Variants in MYOCOS observed in about 807,000 individuals in gnomAD.
The protein encoded by MYOCOS is myocilin opposite strand.
At chr1:171,601,492 A>C (rs548379423) in intron 1 of MYOCOS, among the ~76,000 whole-genome samples, 1 of 152,230 alleles carries the variant, frequency 6.6e-6, no homozygotes, top group East Asian at 1.9e-4. Context: ...TCAAAAAAAA[A>C]AAAAATAGGT....
At chr1:171,617,865 G>T (rs1652479043), upstream of MYOCOS, among the ~76,000 whole-genome samples, 2 of 152,188 alleles carry the variant, frequency 1.3e-5, no homozygotes, top group African/African-American at 4.8e-5. Context: ...AGAGGGAATG[G>T]AATCTAGTGC....
At chr1:171,619,130 G>C (rs1250631809), upstream of MYOCOS, among the ~76,000 whole-genome samples, 2 of 152,122 alleles carry the variant, frequency 1.3e-5, no homozygotes, top group Non-Finnish European at 2.9e-5. Flanking sequence ...TTGGTGAGTG[G>C]AAAATGTGGT....
At chr1:171,625,486 G>A (rs1652676175) in intron 2 of MYOCOS, among the ~76,000 whole-genome samples, 1 of 152,206 alleles carries the variant, frequency 6.6e-6, no homozygotes, top group African/African-American at 2.4e-5. Flanking sequence ...TTCTACATGT[G>A]GTTAGTTTCT....
intron 1 of MYOCOS, among the ~76,000 whole-genome samples, chr1:171,607,061 T>A (rs1328675663): frequency 7.9e-6 from 1 of 127,284 alleles, no homozygotes; most frequent in South Asian, 2.5e-4. Context: ...ACCACTGCAC[T>A]CCAGCCTGGG....
chr1:171,625,891 G>A (rs1440689326), intron 2 of MYOCOS, among the ~76,000 whole-genome samples: 2 of 152,210 alleles, frequency 1.3e-5, no homozygotes, highest in Non-Finnish European at 2.9e-5. Context: ...AGGAGTGAGG[G>A]TGCAGACTCT....
chr1:171,606,168 T>G (rs2102932461), intron 1 of MYOCOS, among the ~76,000 whole-genome samples: 1 of 152,352 alleles, frequency 6.6e-6, no homozygotes, highest in South Asian at 2.1e-4. Flanking sequence ...TACTGCTCCC[T>G]TGTTGGCTAC....
upstream of MYOCOS, among the ~76,000 whole-genome samples, chr1:171,621,157 C>A (rs1221048074): frequency 6.6e-6 from 1 of 152,100 alleles, no homozygotes; most frequent in Admixed American, 6.5e-5. Context: ...AACTTGGGCA[C>A]GTGTTCTCAG....
intron 1 of MYOCOS, among the ~76,000 whole-genome samples, chr1:171,610,425 C>T (rs1172241649): frequency 6.6e-6 from 1 of 152,174 alleles, no homozygotes; most frequent in Admixed American, 6.5e-5. Context: ...GTTGCTAAGG[C>T]AGAATACCAC....
At chr1:171,624,138 C>G (rs2102940276) in intron 2 of MYOCOS, among the ~76,000 whole-genome samples, 160 bp downstream of exon 2, 1 of 152,316 alleles carries the variant, frequency 6.6e-6, no homozygotes, top group East Asian at 1.9e-4. Flanking sequence ...CTTTGTCATC[C>G]ATTGTGGAAA....
intron 1 of MYOCOS, among the ~76,000 whole-genome samples, 168 bp from the exon 2 acceptor site, chr1:171,623,673 A>G (rs1652619219): frequency 6.6e-6 from 1 of 152,088 alleles, no homozygotes; most frequent in African/African-American, 2.4e-5. Flanking sequence ...TTGAGGAAAT[A>G]TCTGCCTCTT....
rs1035630464 is a variant in MYOCOS at position 171,626,626 on chromosome 1, A to G, written c.*25A>G. 5.0e-6 allele frequency: 2 copies of G among 398,398 alleles called. No homozygotes were observed. The highest frequency in any genetic ancestry group is 8.8e-5 in the Admixed American group (2 of 22,688). 24.7% of individuals were successfully genotyped at this position (398,398 alleles called of 1,614,324 possible). A position where few individuals can be genotyped will look rare whatever the true frequency, so the allele number is the denominator to read the frequency against. ...AGATGTAAAACTTATTTTGAAGTGA[A>G]TTCTTACACAGAACTCCAGAAAACA... On this transcript the variant is annotated 3_prime_UTR_variant, in exon 3 of 3. Transcript: ENST00000637642.
chr1:171,615,644 G>A (rs112775675), intron 2 of MYOCOS, among the ~76,000 whole-genome samples: 1 of 152,194 alleles, frequency 6.6e-6, no homozygotes, highest in South Asian at 2.1e-4. Context: ...GAAGAACATT[G>A]TGAAACTCCC....
chr1:171,623,879 A>G lies in MYOCOS; in HGVS notation c.-5A>G. On this transcript the variant is annotated 5_prime_UTR_variant, in exon 2 of 3. Transcript: ENST00000637642. ...AAATTCCTCAAATCCCCTGAGTGCA[A>G]GGCCATGGCTCAGAAAAGCCTTGCA... 1 of 398,568 alleles carries G rather than the reference A, an allele frequency of 2.5e-6. No individual in the cohort carries two copies. The allele number at this position is 398,568 out of a possible 1,614,324, so 24.7% of individuals were successfully genotyped here.
At chr1:171,616,185 C>G (rs1652447524) in intron 2 of MYOCOS, among the ~76,000 whole-genome samples, 1 of 152,102 alleles carries the variant, frequency 6.6e-6, no homozygotes, top group Admixed American at 6.6e-5. Context: ...CCACTGCACT[C>G]CAGCCTGGGT....
chr1:171,616,247 A>G (rs561265746), intron 2 of MYOCOS, among the ~76,000 whole-genome samples: 35 of 149,648 alleles, frequency 2.3e-4, no homozygotes, highest in Non-Finnish European at 4.1e-4. Flanking sequence ...CAAACAAACA[A>G]AAAAACAAAG....
chr1:171,626,491 G>A lies in MYOCOS; in HGVS notation c.133G>A (p.Glu45Lys). Residue 45 changes from glutamate to lysine, a missense_variant, in exon 3 of 3, where the codon GAG becomes AAG. Coordinates refer to ENST00000637642, the MANE Select transcript of MYOCOS (RefSeq NM_001391940.1). Reference protein sequence around the residue: ...IITQKSDEAKEMLSHLDLEQA... With the variant: ...IITQKSDEAKKMLSHLDLEQA... ...TACCCAGAAAAGTGATGAAGCTAAG[G>A]AGATGCTCTCCCACTTGGATTTGGA... The A allele has an allele frequency of 2.5e-6, 1 of 398,618 alleles. No individual in the cohort carries two copies. The highest frequency in any genetic ancestry group is 4.4e-6 in the Non-Finnish European group (1 of 226,074). The allele number at this position is 398,618 out of a possible 1,614,324, so 24.7% of individuals were successfully genotyped here. A position where few individuals can be genotyped will look rare whatever the true frequency, so the allele number is the denominator to read the frequency against.
chr1:171,608,059 C>T (rs1011879810), intron 1 of MYOCOS, among the ~76,000 whole-genome samples: 10 of 152,308 alleles, frequency 6.6e-5, no homozygotes, highest in Admixed American at 2.6e-4. Flanking sequence ...TTCGCTACCA[C>T]GACAGCAGTA....
chr1:171,618,138 C>G (rs1212526847), upstream of MYOCOS, among the ~76,000 whole-genome samples: 2 of 152,176 alleles, frequency 1.3e-5, no homozygotes, highest in Admixed American at 6.5e-5. Flanking sequence ...GGAAGACTGG[C>G]TATCAGGGTT....
At chr1:171,618,482 G>C (rs1005813045), upstream of MYOCOS, among the ~76,000 whole-genome samples, 1 of 152,158 alleles carries the variant, frequency 6.6e-6, no homozygotes, top group African/African-American at 2.4e-5. Context: ...ATGTGCCTTT[G>C]GGGTTCCAGT....
Sources: gnomAD v4.1 joint callset for allele counts (sites outside exome capture counted in the v4.1 genomes callset) on GRCh38, gnomAD v4.1.1 for gene constraint, MANE v1.5 for transcripts, NCBI Gene and HGNC (gene_info 2026-07-23, HGNC 2026-07-21) for gene names.